ZFPM2: variants seen among roughly 807,000 people sequenced by gnomAD.
The protein encoded by ZFPM2 is zinc finger protein ZFPM2.
A neutral mutation model predicts 98.6 loss-of-function variants in ZFPM2; 20 were observed. The observed-to-expected ratio is 0.20, with a 90% CI of 0.14 to 0.29. The LOEUF (loss-of-function observed/expected upper bound fraction) is 0.29, where lower values mean the gene tolerates loss of function less well. ZFPM2 is among the 10% of genes least tolerant of loss of function. ZFPM2 has a pLI of 1.00. For missense variants in ZFPM2, 1,310 were observed against 1,388.6 expected (o/e 0.94, Z 0.90); for synonymous variants, 518 against 502.7 (o/e 1.03, Z -0.41).
intron 5 of ZFPM2, 69 bp from the exon 6 acceptor site, chr8:105,788,649 T>C (rs1813493990): frequency 6.9e-7 from 1 of 1,456,466 alleles, no homozygotes; most frequent in Non-Finnish European, 9.6e-7. Context: ...GCTATGGACA[T>C]CAATCTAGTT....
intron 3 of ZFPM2, among the ~76,000 whole-genome samples, chr8:105,491,565 G>A (rs1445450776): frequency 6.6e-6 from 1 of 152,062 alleles, no homozygotes; most frequent in East Asian, 1.9e-4. Context: ...GTTGTTGTTG[G>A]AGTTTGAATG....
At chr8:105,603,031 A>G (rs1816123980) in intron 4 of ZFPM2, among the ~76,000 whole-genome samples, 2 of 152,256 alleles carry the variant, frequency 1.3e-5, no homozygotes, top group Middle Eastern at 3.4e-3. Context: ...TAAATGTACT[A>G]TGATACATGG....
chr8:105,660,781 A>T (rs748212410), intron 5 of ZFPM2, among the ~76,000 whole-genome samples: 6 of 152,180 alleles, frequency 3.9e-5, no homozygotes, highest in Non-Finnish European at 8.8e-5. Flanking sequence ...TCTCCTTAAA[A>T]CGTAGGTATC....
intron 2 of ZFPM2, among the ~76,000 whole-genome samples, chr8:105,441,933 G>A (rs1429592697): frequency 1.3e-5 from 2 of 152,068 alleles, no homozygotes; most frequent in Non-Finnish European, 2.9e-5. Context: ...TGCAAAATGG[G>A]GCACAGAAGA....
At chr8:105,483,400 G>C (rs1317468117) in intron 3 of ZFPM2, among the ~76,000 whole-genome samples, 2 of 151,738 alleles carry the variant, frequency 1.3e-5, no homozygotes, top group Non-Finnish European at 2.9e-5. Context: ...GACCAGCTTG[G>C]CCAACATGGT....
At chr8:105,590,541 G>A (rs1815818599) in intron 4 of ZFPM2, among the ~76,000 whole-genome samples, 1 of 152,130 alleles carries the variant, frequency 6.6e-6, no homozygotes, top group Admixed American at 6.5e-5. Flanking sequence ...ATGGTTTTGG[G>A]GGCCATAGGC....
chr8:105,776,590 T>C (rs1260859728), intron 5 of ZFPM2, among the ~76,000 whole-genome samples: 5 of 152,228 alleles, frequency 3.3e-5, no homozygotes, highest in Non-Finnish European at 4.4e-5. Flanking sequence ...ATTCATAGGC[T>C]ATAAACAATT....
intron 1 of ZFPM2, among the ~76,000 whole-genome samples, chr8:105,341,774 T>C (rs1364991867): frequency 6.6e-6 from 1 of 152,052 alleles, no homozygotes; most frequent in Admixed American, 6.6e-5. Context: ...TCACTGCTAA[T>C]ATCCTTGGAT....
chr8:105,430,699 A>T (rs1812002415), intron 2 of ZFPM2, among the ~76,000 whole-genome samples: 1 of 152,076 alleles, frequency 6.6e-6, no homozygotes, highest in African/African-American at 2.4e-5. Context: ...AATAGTCTGA[A>T]TGCGTCTTGT....
chr8:105,547,558 A>G (rs1406791688), intron 3 of ZFPM2, among the ~76,000 whole-genome samples: 5 of 137,080 alleles, frequency 3.6e-5, no homozygotes, highest in Non-Finnish European at 8.2e-5. Flanking sequence ...AAAAAAAAAA[A>G]AAAAAAAAAA....
At chr8:105,735,986 T>G (rs2131023364) in intron 5 of ZFPM2, among the ~76,000 whole-genome samples, 1 of 152,100 alleles carries the variant, frequency 6.6e-6, no homozygotes, top group South Asian at 2.1e-4. Flanking sequence ...CTATGGGAAA[T>G]TTTGCTTGTG....
At chr8:105,331,168 T>TACACACACACAC (rs113815707) in intron 1 of ZFPM2, among the ~76,000 whole-genome samples, 1 of 146,662 alleles carries the variant, frequency 6.8e-6, no homozygotes, top group Non-Finnish European at 1.5e-5. Context: ...ATATATATTA[T>TACACACACACAC]ACACACACAC....
At chr8:105,725,826 C>G (rs1416057453) in intron 5 of ZFPM2, among the ~76,000 whole-genome samples, 3 of 151,706 alleles carry the variant, frequency 2.0e-5, no homozygotes, top group African/African-American at 7.3e-5. Flanking sequence ...TCTTACCACA[C>G]AGCATCTCTT....
At chr8:105,676,403 C>T (rs1341254525) in intron 5 of ZFPM2, among the ~76,000 whole-genome samples, 2 of 152,088 alleles carry the variant, frequency 1.3e-5, no homozygotes. Context: ...TTTGTATTAT[C>T]TTCACATTTG....
At chr8:105,550,892 T>C (rs1489331805) in intron 3 of ZFPM2, among the ~76,000 whole-genome samples, 1 of 152,144 alleles carries the variant, frequency 6.6e-6, no homozygotes, top group Non-Finnish European at 1.5e-5. Flanking sequence ...GGAGTCTGCT[T>C]TTGGGTAAAT....
At chr8:105,372,550 T>C (rs1221568289) in intron 1 of ZFPM2, among the ~76,000 whole-genome samples, 1 of 152,190 alleles carries the variant, frequency 6.6e-6, no homozygotes, top group Non-Finnish European at 1.5e-5. Context: ...TAATGTTTAC[T>C]GAGCTTTCTA....
intron 5 of ZFPM2, among the ~76,000 whole-genome samples, chr8:105,663,385 T>C (rs1176343710): frequency 2.0e-5 from 3 of 152,226 alleles, no homozygotes; most frequent in African/African-American, 7.2e-5. Flanking sequence ...ACTTGGATCA[T>C]TTATAAAGAT....
chr8:105,732,995 A>G (rs1318136921), intron 5 of ZFPM2, among the ~76,000 whole-genome samples: 1 of 151,920 alleles, frequency 6.6e-6, no homozygotes, highest in Non-Finnish European at 1.5e-5. Flanking sequence ...ATGTAAGCAT[A>G]TAGAATTTAT....
At chr8:105,624,348 A>G (rs1816611063) in intron 4 of ZFPM2, among the ~76,000 whole-genome samples, 1 of 152,230 alleles carries the variant, frequency 6.6e-6, no homozygotes. Context: ...TGTGACTTTC[A>G]GAGCTGTATA....
Sources: gnomAD v4.1 joint callset for allele counts (sites outside exome capture counted in the v4.1 genomes callset) on GRCh38, gnomAD v4.1.1 for gene constraint, MANE v1.5 for transcripts, NCBI Gene and HGNC (gene_info 2026-07-23, HGNC 2026-07-21) for gene names.